The following LOXHD1 variants were observed in gnomAD, a reference collection of about 807,000 sequenced individuals.
The protein encoded by LOXHD1 is lipoxygenase homology PLAT domains 1, also known as lipoxygenase homology domain-containing protein 1.
In LOXHD1, 205 loss-of-function variants were observed where a neutral mutation model predicts 248.2. The ratio of observed to expected loss-of-function variants is 0.83; its 90% CI spans 0.74 to 0.93. LOXHD1 has a LOEUF of 0.93. Among genes scored for constraint, LOXHD1 ranks in the 40% least tolerant of loss-of-function variants. LOXHD1 has a pLI of 0.00. For missense variants in LOXHD1, 2,930 were observed against 2,971.6 expected (o/e 0.99, Z 0.33); for synonymous variants, 1,113 against 1,162.8 (o/e 0.96, Z 0.87).
At chr18:46,493,935 A>C (rs2033662906) in intron 37 of LOXHD1, among the ~76,000 whole-genome samples, 1 of 152,162 alleles carries the variant, frequency 6.6e-6, no homozygotes. Context: ...CCCTTTTACA[A>C]ATCCCCTAGC....
chr18:46,633,778 A>C (rs1032898524), intron 4 of LOXHD1, among the ~76,000 whole-genome samples: 6 of 152,264 alleles, frequency 3.9e-5, no homozygotes, highest in Non-Finnish European at 8.8e-5. Context: ...AACAATAAAA[A>C]GATAAACAAC....
At chr18:46,552,080 G>A (rs2037130655) in intron 21 of LOXHD1, among the ~76,000 whole-genome samples, 1 of 152,168 alleles carries the variant, frequency 6.6e-6, no homozygotes. Flanking sequence ...ATTGTTTAAT[G>A]GGTATAGTTT....
At chr18:46,618,799 A>G (rs2038626981) in intron 4 of LOXHD1, among the ~76,000 whole-genome samples, 1 of 152,230 alleles carries the variant, frequency 6.6e-6, no homozygotes, top group Non-Finnish European at 1.5e-5. Flanking sequence ...GATTCTGCAG[A>G]TGAAAATCAA....
At chr18:46,595,639 G>T (rs903935355) in intron 8 of LOXHD1, among the ~76,000 whole-genome samples, 21 of 152,150 alleles carry the variant, frequency 1.4e-4, no homozygotes, top group African/African-American at 4.3e-4. Context: ...TGTGGCTGAG[G>T]TTCACTGGGA....
At chr18:46,489,963 AG>A (rs1197192928) in intron 37 of LOXHD1, among the ~76,000 whole-genome samples, 39 of 152,390 alleles carry the variant, frequency 2.6e-4, no homozygotes, top group Admixed American at 2.5e-3. Flanking sequence ...TTGAACACAT[AG>A]CTGCCCTTGT....
intron 12 of LOXHD1, among the ~76,000 whole-genome samples, chr18:46,580,402 G>A (rs2037940335): frequency 6.6e-6 from 1 of 152,218 alleles, no homozygotes; most frequent in African/African-American, 2.4e-5. Flanking sequence ...CAGAGAGAAA[G>A]GCATGAAATG....
chr18:46,504,668 T>C (rs925082107), intron 37 of LOXHD1, among the ~76,000 whole-genome samples: 3 of 152,230 alleles, frequency 2.0e-5, no homozygotes, highest in South Asian at 4.1e-4. Flanking sequence ...TTAGCTCCTA[T>C]GGAAGAGAGG....
In LOXHD1 at chr18:46,559,671, C is replaced by T. The variant is rs186120006; in HGVS notation, c.3062-69G>A. 385 of 1,484,760 alleles carry T rather than the reference C, an allele frequency of 2.6e-4. 4 individuals are homozygous for T. The African/African-American group carries it at 4.9e-3, about 19-fold the overall frequency. The allele number at this position is 1,484,760 out of a possible 1,614,324, so 92.0% of individuals were successfully genotyped here. On this transcript the variant is annotated intron_variant, in intron 19 of 40. Transcript: ENST00000642948. ...GGGGTGTTTGGACCTGAGGCACAGCCTCTCAGATCCAGCCAGATCCTAGAA... is the reference window on the plus strand; with the variant it reads ...GGGGTGTTTGGACCTGAGGCACAGCTTCTCAGATCCAGCCAGATCCTAGAA...
chr18:46,619,002 C>T (rs1468317855), intron 4 of LOXHD1, among the ~76,000 whole-genome samples: 5 of 152,088 alleles, frequency 3.3e-5, no homozygotes, highest in Non-Finnish European at 5.9e-5. Context: ...TGATGGGAGA[C>T]GAAGCTTGGT....
intron 4 of LOXHD1, among the ~76,000 whole-genome samples, chr18:46,619,807 C>T (rs2038643082): frequency 6.6e-6 from 1 of 152,192 alleles, no homozygotes; most frequent in South Asian, 2.1e-4. Flanking sequence ...CAGTGCCTTC[C>T]CTTTCTCTCC....
intron 22 of LOXHD1, among the ~76,000 whole-genome samples, chr18:46,545,632 T>TC (rs1342355383): frequency 1.8e-5 from 1 of 56,388 alleles, no homozygotes; most frequent in Non-Finnish European, 5.1e-5. Flanking sequence ...CATTTCTTTT[T>TC]TTTTTTTTTT....
chr18:46,478,844 T>C (rs996301103), intron 40 of LOXHD1, among the ~76,000 whole-genome samples: 4 of 152,152 alleles, frequency 2.6e-5, no homozygotes, highest in African/African-American at 7.2e-5. Context: ...GAGCATGCAC[T>C]ATCATGTCCA....
chr18:46,607,237 G>T (rs2038428840), intron 6 of LOXHD1, among the ~76,000 whole-genome samples: 1 of 151,110 alleles, frequency 6.6e-6, no homozygotes, highest in Admixed American at 6.6e-5. Context: ...ATATATGCAT[G>T]CTATATTTAA....
intron 4 of LOXHD1, among the ~76,000 whole-genome samples, chr18:46,625,759 G>C (rs1036683395): frequency 6.6e-6 from 1 of 152,152 alleles, no homozygotes; most frequent in African/African-American, 2.4e-5. Context: ...TTATCCTGCT[G>C]GTTCCTTTTC....
chr18:46,622,095 C>T (rs1339744512), intron 4 of LOXHD1, among the ~76,000 whole-genome samples: 1 of 152,222 alleles, frequency 6.6e-6, no homozygotes, highest in African/African-American at 2.4e-5. Flanking sequence ...AGCAAGGTCT[C>T]TGGTCTTTGA....
intron 28 of LOXHD1, among the ~76,000 whole-genome samples, chr18:46,529,629 T>C (rs1306524045): frequency 6.6e-6 from 1 of 152,190 alleles, no homozygotes; most frequent in East Asian, 1.9e-4. Flanking sequence ...GCCTGCAGTG[T>C]ACATGGGGAA....
intron 18 of LOXHD1, 129 bp from the exon 19 acceptor site, chr18:46,560,674 C>T: frequency 3.5e-6 from 3 of 860,916 alleles, no homozygotes; most frequent in South Asian, 1.8e-5. Flanking sequence ...GGGCTGGGGC[C>T]TCTGTGCTCA....
chr18:46,486,485 C>A (rs911958115), intron 38 of LOXHD1, among the ~76,000 whole-genome samples: 2 of 152,112 alleles, frequency 1.3e-5, no homozygotes, highest in Non-Finnish European at 2.9e-5. Flanking sequence ...GGAAGAGATC[C>A]ACAGAAAGTG....
intron 38 of LOXHD1, among the ~76,000 whole-genome samples, chr18:46,487,076 T>A (rs192214423): frequency 6.6e-6 from 1 of 152,080 alleles, no homozygotes; most frequent in Non-Finnish European, 1.5e-5. Flanking sequence ...ATGAGCCCCA[T>A]CTAACAGATC....
Sources: allele counts gnomAD v4.1 joint callset (sites outside exome capture counted in the v4.1 genomes callset), GRCh38; gene constraint gnomAD v4.1.1; transcripts MANE v1.5; gene names NCBI Gene and HGNC (gene_info 2026-07-23, HGNC 2026-07-21).